ZNF676: variants seen among roughly 807,000 people sequenced by gnomAD.
ZNF676 encodes zinc finger protein 676.
A neutral mutation model predicts 6.0 loss-of-function variants in ZNF676; 4 were observed. That is an observed-to-expected ratio of 0.67 (90% CI 0.33 to 1.53). The LOEUF (loss-of-function observed/expected upper bound fraction) is 1.53, where lower values mean the gene tolerates loss of function less well. Among genes scored for constraint, ZNF676 ranks in the 40% most tolerant of loss-of-function variants. The pLI is 0.06. For missense variants in ZNF676, 644 were observed against 679.7 expected (o/e 0.95, Z 0.58); for synonymous variants, 198 against 223.1 (o/e 0.89, Z 1.00).
chr19:22,229,549 A>G, the ZNF676 span, among the ~76,000 whole-genome samples: 312 of 152,346 alleles, frequency 2.0e-3, no homozygotes, highest in Middle Eastern at 3.4e-3. Context: ...AGAAACTATC[A>G]TCAGAGTGAA....
At chr19:22,201,234 T>A (rs1479515617), upstream of ZNF676, among the ~76,000 whole-genome samples, 1 of 152,184 alleles carries the variant, frequency 6.6e-6, no homozygotes, top group African/African-American at 2.4e-5. Context: ...TTAAGATGAT[T>A]GTTTACACTT....
At chr19:22,186,529 A>G (rs2023842630) in intron 2 of ZNF676, among the ~76,000 whole-genome samples, 1 of 152,224 alleles carries the variant, frequency 6.6e-6, no homozygotes, top group African/African-American at 2.4e-5. Flanking sequence ...TTCACACATA[A>G]CAATATTAAC....
upstream of ZNF676, among the ~76,000 whole-genome samples, chr19:22,219,414 G>C (rs2024226331): frequency 6.6e-6 from 1 of 151,830 alleles, no homozygotes; most frequent in Non-Finnish European, 1.5e-5. Flanking sequence ...AGCTTTTTTA[G>C]TTGAGTTTTA....
chr19:22,202,377 T>C (rs925913320), intron 1 of ZNF676, among the ~76,000 whole-genome samples: 3 of 152,332 alleles, frequency 2.0e-5, no homozygotes, highest in Admixed American at 1.3e-4. Context: ...AGATACCAAG[T>C]AGGCAGAGAC....
chr19:22,255,124 G>T, the ZNF676 span, among the ~76,000 whole-genome samples: 3 of 152,176 alleles, frequency 2.0e-5, no homozygotes, highest in African/African-American at 7.2e-5. Flanking sequence ...CCCATGAACT[G>T]TGTTCCCTCA....
chr19:22,194,943 G>A (rs1214005609), intron 1 of ZNF676, among the ~76,000 whole-genome samples: 7 of 152,126 alleles, frequency 4.6e-5, no homozygotes, highest in Admixed American at 4.6e-4. Context: ...GTCATTTGGG[G>A]ACCTATACCA....
the ZNF676 span, among the ~76,000 whole-genome samples, chr19:22,247,276 G>A: frequency 7.2e-5 from 11 of 152,056 alleles, no homozygotes; most frequent in African/African-American, 2.7e-4. Flanking sequence ...TAAGATTTAA[G>A]GGGTTGGCCA....
the ZNF676 span, among the ~76,000 whole-genome samples, chr19:22,221,745 T>G: frequency 1.2e-5 from 1 of 80,670 alleles, no homozygotes; most frequent in Non-Finnish European, 2.3e-5. Context: ...AGCAAGACTG[T>G]CACAAAAAAA....
intron 1 of ZNF676, among the ~76,000 whole-genome samples, chr19:22,211,095 C>CT (rs35954273): frequency 3.9e-4 from 56 of 145,410 alleles, no homozygotes; most frequent in East Asian, 6.1e-4. Flanking sequence ...CTTTGGAATT[C>CT]TTTTTTTTTT....
At chr19:22,215,706 A>T (rs2024177142) in exon 1 of ZNF676, 1 of 1,572,814 alleles carries the variant, frequency 6.4e-7, no homozygotes, top group Non-Finnish European at 8.7e-7. Flanking sequence ...AGGGCCACAG[A>T]GGCTGGGACT....
At chr19:22,235,073 T>TCAGGAAGG in the ZNF676 span, among the ~76,000 whole-genome samples, 421 of 108,374 alleles carry the variant, frequency 3.9e-3, 4 homozygotes, top group African/African-American at 0.015. Context: ...AAGAAGGAAG[T>TCAGGAAGG]CAGGAAGGCA....
At chr19:22,225,150 T>C in the ZNF676 span, among the ~76,000 whole-genome samples, 2 of 152,200 alleles carry the variant, frequency 1.3e-5, no homozygotes, top group Non-Finnish European at 2.9e-5. Flanking sequence ...GCAAATATCT[T>C]TCAGCTTTCT....
the ZNF676 span, among the ~76,000 whole-genome samples, chr19:22,252,946 T>A: frequency 2.6e-5 from 4 of 152,250 alleles, no homozygotes; most frequent in East Asian, 5.8e-4. Context: ...AGATTAACCA[T>A]CCTGATCATG....
At chr19:22,252,794 G>A in the ZNF676 span, among the ~76,000 whole-genome samples, 3 of 152,258 alleles carry the variant, frequency 2.0e-5, no homozygotes, top group Admixed American at 1.3e-4. Context: ...TCTATGGGCA[G>A]AACCAAGACA....
intron 1 of ZNF676, chr19:22,204,022 TCTGA>T (rs2024052356): frequency 6.6e-6 from 1 of 152,214 alleles, no homozygotes; most frequent in African/African-American, 2.4e-5. Context: ...AAAATTGAAA[TCTGA>T]CTGTGTTAAT....
chr19:22,200,459 A>C (rs1251254148), upstream of ZNF676, among the ~76,000 whole-genome samples: 1 of 150,522 alleles, frequency 6.6e-6, no homozygotes, highest in Admixed American at 6.6e-5. Flanking sequence ...CCATTTTTCC[A>C]GTTGTTAGTT....
At chr19:22,248,996 C>G in the ZNF676 span, among the ~76,000 whole-genome samples, 1 of 152,078 alleles carries the variant, frequency 6.6e-6, no homozygotes, top group East Asian at 1.9e-4. Flanking sequence ...TCCCAAAGTG[C>G]TGGGATTACA....
rs182745181 is a variant in ZNF676 at position 22,213,594 on chromosome 19, A to G, written c.3+2038T>C. On this transcript the variant is annotated intron_variant, in intron 1 of 3. Coordinates refer to the ZNF676 transcript ENST00000650058. Reference sequence around the variant, plus strand: ...ACTCCATACCTCAGGTTGTCTTATGAAAGATAAGAGGCTACACTCCATACC... The same window carrying G: ...ACTCCATACCTCAGGTTGTCTTATGGAAGATAAGAGGCTACACTCCATACC... 1.7e-3 allele frequency among the ~76,000 whole-genome samples: 238 copies of G among 141,386 alleles called. 2 individuals are homozygous for G. The highest frequency in any genetic ancestry group is 6.8e-3 in the African/African-American group (224 of 32,978). 92.8% of individuals were successfully genotyped at this position (141,386 alleles called of 152,430 possible).
intron 1 of ZNF676, among the ~76,000 whole-genome samples, chr19:22,207,672 C>G (rs2024089118): frequency 6.6e-6 from 1 of 152,096 alleles, no homozygotes; most frequent in Non-Finnish European, 1.5e-5. Context: ...AAGCTGGAGG[C>G]ATTACATTAC....
Sources: gnomAD v4.1 joint callset for allele counts (sites outside exome capture counted in the v4.1 genomes callset) on GRCh38, gnomAD v4.1.1 for gene constraint, MANE v1.5 for transcripts, NCBI Gene and HGNC (gene_info 2026-07-23, HGNC 2026-07-21) for gene names.